SEC24D: variants seen among roughly 807,000 people sequenced by gnomAD.
SEC24D encodes the protein protein transport protein Sec24D.
In SEC24D, 69 loss-of-function variants were observed where a neutral mutation model predicts 116.9. That is an observed-to-expected ratio of 0.59 (90% CI 0.49 to 0.72). The LOEUF (loss-of-function observed/expected upper bound fraction) is 0.72, where lower values mean the gene tolerates loss of function less well. Ranked by LOEUF, SEC24D falls within the 30% of genes least tolerant of loss-of-function variation. SEC24D has a pLI of 0.00. For synonymous variants in SEC24D, 405 were observed against 442.8 expected (o/e 0.91, Z 1.07); for missense variants, 1,131 against 1,264.1 (o/e 0.89, Z 1.60).
At chr4:118,779,691 T>C (rs551218309) in intron 8 of SEC24D, among the ~76,000 whole-genome samples, 254 of 152,330 alleles carry the variant, frequency 1.7e-3, no homozygotes, top group African/African-American at 6.0e-3. Flanking sequence ...CCAGCTTCTC[T>C]TTGTACCTCT....
At chr4:118,807,098 T>C (rs934838133) in intron 6 of SEC24D, among the ~76,000 whole-genome samples, 1 of 152,226 alleles carries the variant, frequency 6.6e-6, no homozygotes, top group African/African-American at 2.4e-5. Context: ...ACCTTAACTT[T>C]CTCCTCAAAT....
intron 15 of SEC24D, 40 bp from the exon 16 acceptor site, chr4:118,741,077 G>A: frequency 3.0e-6 from 3 of 1,000,954 alleles, no homozygotes; most frequent in Middle Eastern, 3.0e-4. Context: ...CCAGATGGCA[G>A]TAAAATACTT....
intron 8 of SEC24D, among the ~76,000 whole-genome samples, chr4:118,794,366 T>A (rs558114347): frequency 6.6e-6 from 1 of 152,260 alleles, no homozygotes; most frequent in East Asian, 1.9e-4. Context: ...TTGACCCAGG[T>A]CAGCTTTATC....
rs138216762 is a variant in SEC24D at position 118,808,035 on chromosome 4, C to T, written c.802-2081G>A. 2.8e-4 allele frequency among the ~76,000 whole-genome samples: 43 copies of T among 152,160 alleles called. No individual in the cohort carries two copies. The East Asian group carries it at 7.7e-3, about 27-fold the overall frequency. ...GGAGTGCAGTGGTGTGAAGGGGGTTCACTGCAGCCTCAATCTCCTGGGCTC... is the reference window on the plus strand; with the variant it reads ...GGAGTGCAGTGGTGTGAAGGGGGTTTACTGCAGCCTCAATCTCCTGGGCTC... On this transcript the variant is annotated intron_variant, in intron 6 of 22. Transcript: ENST00000280551.
chr4:118,819,115 A>C (rs1730279691), intron 3 of SEC24D, among the ~76,000 whole-genome samples: 1 of 152,230 alleles, frequency 6.6e-6, no homozygotes, highest in Admixed American at 6.5e-5. Flanking sequence ...CACATTTAAA[A>C]TATGTTGTGA....
intron 8 of SEC24D, among the ~76,000 whole-genome samples, chr4:118,780,262 A>T (rs144934573): frequency 0.036 from 5,420 of 152,114 alleles, 150 homozygotes; most frequent in Admixed American, 0.054. Flanking sequence ...CCCTCTACAC[A>T]CTGCTTTATA....
intron 6 of SEC24D, among the ~76,000 whole-genome samples, chr4:118,806,756 G>A (rs1221738555): frequency 6.6e-6 from 1 of 152,192 alleles, no homozygotes; most frequent in Non-Finnish European, 1.5e-5. Flanking sequence ...GTCCGAGGCG[G>A]GAGGACCACT....
intron 8 of SEC24D, among the ~76,000 whole-genome samples, chr4:118,777,793 G>T (rs1252046184): frequency 6.6e-6 from 1 of 152,154 alleles, no homozygotes; most frequent in Admixed American, 6.5e-5. Flanking sequence ...ACTTTTTAAT[G>T]ATCGCCATTC....
intron 10 of SEC24D, among the ~76,000 whole-genome samples, chr4:118,759,536 C>T (rs1227307685): frequency 6.6e-6 from 1 of 152,168 alleles, no homozygotes; most frequent in Non-Finnish European, 1.5e-5. Context: ...TACAACTGCT[C>T]TCTTAAAGGT....
At chr4:118,725,541 T>G (rs1725364617) in intron 22 of SEC24D, among the ~76,000 whole-genome samples, 1 of 152,104 alleles carries the variant, frequency 6.6e-6, no homozygotes, top group African/African-American at 2.4e-5. Flanking sequence ...TAGAATTTAC[T>G]TTCTTTATGG....
chr4:118,811,476 T>A (rs1242443112), intron 6 of SEC24D, among the ~76,000 whole-genome samples: 1 of 152,260 alleles, frequency 6.6e-6, no homozygotes, highest in Non-Finnish European at 1.5e-5. Context: ...AAGTATTTTT[T>A]AAGATCTAAT....
chr4:118,733,599 G>T (rs769143879), intron 19 of SEC24D, among the ~76,000 whole-genome samples: 1 of 152,092 alleles, frequency 6.6e-6, no homozygotes, highest in Non-Finnish European at 1.5e-5. Context: ...CTTGAAGTTC[G>T]CTGGGGATAG....
rs766602456 is a variant in SEC24D, at chr4:118,728,647, A to G, written c.2872T>C (p.Leu958=). The G allele has an allele frequency of 1.2e-5, 19 of 1,591,848 alleles. No homozygotes were observed. In the Admixed American group the frequency reaches 2.2e-4, roughly 18 times the overall value. Residue 958 remains leucine, a synonymous_variant, in exon 22 of 23, where the codon TTG becomes CTG. Coordinates refer to ENST00000280551, the MANE Select transcript of SEC24D (RefSeq NM_014822.4). The part of the protein sequence containing the change: ...SFAHINTDMT[L]LPEVGNPYSQ... ...TATGGGTTTCCCACTTCAGGCAGCA[A>G]TGTCTTAGATTTAAGAAAATCAAAG...
intron 7 of SEC24D, among the ~76,000 whole-genome samples, chr4:118,804,891 CA>C (rs1207168554): frequency 7.0e-5 from 9 of 127,822 alleles, no homozygotes; most frequent in African/African-American, 2.5e-4. Flanking sequence ...TGCATACACA[CA>C]CACACACACA....
intron 10 of SEC24D, among the ~76,000 whole-genome samples, chr4:118,760,929 G>A (rs981474422): frequency 6.6e-6 from 1 of 151,794 alleles, no homozygotes; most frequent in Admixed American, 6.6e-5. Context: ...ATGTTGGCCA[G>A]GTTGGTCTCA....
Position 118,817,305 on chromosome 4 carries a change from T to C in SEC24D, c.356A>G (p.Gln119Arg). 6.2e-7 allele frequency: 1 copy of C among 1,613,698 alleles called. No homozygotes were observed. The change falls in exon 4 of 23, where the codon CAG (glutamine) becomes CGG (arginine). Residue 119 changes from glutamine (Q) to arginine (R), a missense_variant. By Grantham distance (43) the Gln-to-Arg change is conservative (BLOSUM62 1). Coordinates refer to ENST00000280551, the MANE Select transcript of SEC24D (RefSeq NM_014822.4). ...CATAGCACTGAGCTGGCTGCCCAGC[T>C]GGGTGACAGATGAAGTGGATATAGG... ...PGPISTSSVT[Q>R]LGSQLSAMQI...
chr4:118,780,907 C>CTTTTTTTT (rs143712578), intron 8 of SEC24D, among the ~76,000 whole-genome samples: 3 of 61,880 alleles, frequency 4.8e-5, no homozygotes, highest in African/African-American at 6.1e-5. Flanking sequence ...GCAACCCCTG[C>CTTTTTTTT]TTTTTTTTTT....
intron 2 of SEC24D, 117 bp from the exon 3 acceptor site, chr4:118,824,866 C>G: frequency 1.1e-6 from 1 of 909,690 alleles, no homozygotes; most frequent in Non-Finnish European, 1.6e-6. Flanking sequence ...TGGATTAGAA[C>G]AAAATCTCTT....
At chr4:118,738,190 T>C in intron 19 of SEC24D, 71 bp downstream of exon 19, 1 of 1,008,584 alleles carries the variant, frequency 9.9e-7, no homozygotes, top group Non-Finnish European at 1.6e-6. Flanking sequence ...ATAAGCCTTC[T>C]ATAGCTATGT....
Sources: allele counts gnomAD v4.1 joint callset (sites outside exome capture counted in the v4.1 genomes callset), GRCh38; gene constraint gnomAD v4.1.1; transcripts MANE v1.5; gene names NCBI Gene and HGNC (gene_info 2026-07-23, HGNC 2026-07-21).